The following RBFOX1 variants were observed in gnomAD, a reference collection of about 807,000 sequenced individuals.
The protein encoded by RBFOX1 is RNA binding fox-1 homolog 1, also known as RNA binding protein fox-1 homolog 1.
Under a neutral mutation model 57.7 loss-of-function variants are expected in RBFOX1, and 8 were observed. That is an observed-to-expected ratio of 0.14 (90% confidence interval 0.08 to 0.25). The LOEUF (loss-of-function observed/expected upper bound fraction) is 0.25, where lower values mean the gene tolerates loss of function less well. RBFOX1 is among the 10% of genes least tolerant of loss of function. RBFOX1 has a pLI of 1.00. For synonymous variants in RBFOX1, 326 were observed against 222.4 expected (o/e 1.47, Z -4.15); for missense variants, 611 against 548.5 (o/e 1.11, Z -1.14).
In RBFOX1 at chr16:7,564,540, C is replaced by CAAAAAAA. The variant is rs5815409; in HGVS notation, c.271-15215_271-15209dup. 8.8e-4 allele frequency among the ~76,000 whole-genome samples: 73 copies of CAAAAAAA among 82,502 alleles called. 11 individuals are homozygous for CAAAAAAA. Among genetic ancestry groups the CAAAAAAA allele is most frequent in the African/African-American group, 5.6e-3 (59 of 10,450 alleles). The allele number at this position is 82,502 out of a possible 152,430, so 54.1% of individuals were successfully genotyped here. Reference sequence around the variant, plus strand: ...TGGCTGACAGAGCAAGACTCCATCTCAAAAAAAAAAAAAAAAAAAAAAAAA... The same window carrying CAAAAAAA: ...TGGCTGACAGAGCAAGACTCCATCTCAAAAAAAAAAAAAAAAAAAAAAAAAAAAAAAA... On this transcript the variant is annotated intron_variant, in intron 5 of 15. Coordinates refer to ENST00000550418, the MANE Select transcript of RBFOX1 (RefSeq NM_018723.4).
At chr16:7,613,406 T>A (rs1429217860) in intron 10 of RBFOX1, among the ~76,000 whole-genome samples, 1 of 152,052 alleles carries the variant, frequency 6.6e-6, no homozygotes, top group Non-Finnish European at 1.5e-5. Context: ...GACTGTAAAA[T>A]AGAAATAGAA....
At chr16:7,487,757 G>A (rs2065812520) in intron 4 of RBFOX1, among the ~76,000 whole-genome samples, 1 of 152,092 alleles carries the variant, frequency 6.6e-6, no homozygotes, top group African/African-American at 2.4e-5. Context: ...TTGTAAAAGT[G>A]CCTCCTCATT....
At chr16:6,646,833 T>C (rs1250868032) in intron 2 of RBFOX1, among the ~76,000 whole-genome samples, 1 of 152,112 alleles carries the variant, frequency 6.6e-6, no homozygotes, top group Non-Finnish European at 1.5e-5. Flanking sequence ...GAGGGGTGTT[T>C]TTCCTGACTC....
At chr16:5,347,637 C>T (rs1041961648) in intron 1 of RBFOX1, among the ~76,000 whole-genome samples, 10 of 150,688 alleles carry the variant, frequency 6.6e-5, no homozygotes, top group Non-Finnish European at 5.9e-5. Flanking sequence ...CACATCCACC[C>T]ACCCATCTAC....
At chr16:6,027,414 A>G (rs561655605) in intron 1 of RBFOX1, among the ~76,000 whole-genome samples, 274 of 152,268 alleles carry the variant, frequency 1.8e-3, no homozygotes, top group African/African-American at 6.4e-3. Context: ...ACTAGGAAGG[A>G]GGCAGTGCAG....
chr16:6,878,005 G>A (rs1010617536), intron 3 of RBFOX1, among the ~76,000 whole-genome samples: 10 of 152,130 alleles, frequency 6.6e-5, no homozygotes, highest in African/African-American at 2.4e-4. Context: ...TAAGCATATA[G>A]GAGGAATTTA....
intron 1 of RBFOX1, among the ~76,000 whole-genome samples, chr16:5,252,596 C>T (rs2062480370): frequency 1.3e-5 from 2 of 152,178 alleles, no homozygotes; most frequent in African/African-American, 2.4e-5. Context: ...TTGGACACTT[C>T]AGCCCCAGGG....
intron 4 of RBFOX1, among the ~76,000 whole-genome samples, chr16:7,091,083 C>G (rs954216855): frequency 3.9e-5 from 6 of 152,210 alleles, no homozygotes; most frequent in East Asian, 1.9e-4. Context: ...CCCGCTTAAA[C>G]TCTACTACAA....
intron 4 of RBFOX1, among the ~76,000 whole-genome samples, chr16:5,929,529 A>T (rs2059004567): frequency 6.6e-6 from 1 of 152,162 alleles, no homozygotes; most frequent in Non-Finnish European, 1.5e-5. Flanking sequence ...AATCTATTTA[A>T]ATTACCTCTT....
At chr16:5,323,847 G>T (rs1176524905) in intron 1 of RBFOX1, among the ~76,000 whole-genome samples, 1 of 152,224 alleles carries the variant, frequency 6.6e-6, no homozygotes, top group Non-Finnish European at 1.5e-5. Context: ...CTGTAACATA[G>T]ACTGGGGATA....
At chr16:5,640,355 A>T (rs746860252) in intron 3 of RBFOX1, among the ~76,000 whole-genome samples, 36 of 152,266 alleles carry the variant, frequency 2.4e-4, no homozygotes, top group Middle Eastern at 6.8e-3. Flanking sequence ...ACATTGGCAC[A>T]AGCATGTATG....
chr16:6,516,032 C>G (rs755461933), intron 2 of RBFOX1, among the ~76,000 whole-genome samples: 3 of 152,030 alleles, frequency 2.0e-5, no homozygotes, highest in South Asian at 2.1e-4. Flanking sequence ...GAGACAGAGT[C>G]TTGCTCTGTA....
chr16:6,343,566 T>C (rs1271463626), intron 2 of RBFOX1, among the ~76,000 whole-genome samples: 2 of 152,230 alleles, frequency 1.3e-5, no homozygotes, highest in Non-Finnish European at 2.9e-5. Context: ...TTATGGATTA[T>C]CTTTGCCACA....
intron 2 of RBFOX1, among the ~76,000 whole-genome samples, chr16:5,490,379 G>A (rs2042786820): frequency 6.6e-6 from 1 of 152,190 alleles, no homozygotes; most frequent in African/African-American, 2.4e-5. Context: ...TTGCTCAGGG[G>A]CACCTGGAAC....
At position 6,725,346 on chromosome 16, in the gene RBFOX1, C is replaced by T. The variant is rs373046200; in HGVS notation, c.-16+70696C>T. 3.5e-4 allele frequency among the ~76,000 whole-genome samples: 54 copies of T among 152,166 alleles called. No homozygotes were observed. The East Asian group carries it at 8.2e-3, about 23-fold the overall frequency. On this transcript the variant is annotated intron_variant, in intron 3 of 15. Coordinates refer to ENST00000550418, the MANE Select transcript of RBFOX1 (RefSeq NM_018723.4). Reference sequence around the variant, plus strand: ...GATTACAGGTTTGAGCCACCGCGCCCGGCCGGTTTTGGCTAGCTTTTTAAG... The same window carrying T: ...GATTACAGGTTTGAGCCACCGCGCCTGGCCGGTTTTGGCTAGCTTTTTAAG...
At chr16:7,244,975 A>G (rs540298847) in intron 4 of RBFOX1, among the ~76,000 whole-genome samples, 12 of 152,214 alleles carry the variant, frequency 7.9e-5, no homozygotes, top group African/African-American at 2.9e-4. Flanking sequence ...AAAGTGAGGA[A>G]CTCATGCCTG....
At chr16:5,731,983 C>T (rs898786153) in intron 3 of RBFOX1, among the ~76,000 whole-genome samples, 2 of 152,190 alleles carry the variant, frequency 1.3e-5, no homozygotes, top group African/African-American at 4.8e-5. Context: ...TAGAATTCTC[C>T]ACCCCATATC....
chr16:5,253,075 C>T (rs1221921622), intron 1 of RBFOX1, among the ~76,000 whole-genome samples: 1 of 152,198 alleles, frequency 6.6e-6, no homozygotes, highest in Non-Finnish European at 1.5e-5. Flanking sequence ...GAAAGACTCT[C>T]TGTAGAAACC....
chr16:5,870,394 G>GAAAAAA (rs1567651086), intron 4 of RBFOX1, among the ~76,000 whole-genome samples: 1 of 130,934 alleles, frequency 7.6e-6, no homozygotes, highest in South Asian at 2.4e-4. Context: ...AAAAAAAAAT[G>GAAAAAA]AAGGCACTTG....
Sources: allele counts gnomAD v4.1 joint callset (sites outside exome capture counted in the v4.1 genomes callset), GRCh38; gene constraint gnomAD v4.1.1; transcripts MANE v1.5; gene names NCBI Gene and HGNC (gene_info 2026-07-23, HGNC 2026-07-21).